Variants in GABBR1 observed in about 807,000 individuals in gnomAD.
GABBR1 encodes the protein GABA-B receptor, R1 subunit.
Under a neutral mutation model 117.7 loss-of-function variants are expected in GABBR1, and 35 were observed. That is an observed-to-expected ratio of 0.30 (90% CI 0.23 to 0.39). GABBR1 has a LOEUF of 0.39. Ranked by LOEUF, GABBR1 falls within the 10% of genes least tolerant of loss-of-function variation. The pLI, the probability that GABBR1 is intolerant of heterozygous loss-of-function variation, is 1.00. For missense variants in GABBR1, 709 were observed against 1,241.8 expected (o/e 0.57, Z 6.45); for synonymous variants, 442 against 486.6 (o/e 0.91, Z 1.21).
rs562020736 is a variant in GABBR1, at chr6:29,632,553, G to T, written c.1-168C>A. 196 of 884,820 alleles carry T rather than the reference G, an allele frequency of 2.2e-4. 1 individual carries two copies. The East Asian group carries it at 5.9e-3, about 27-fold the overall frequency. The allele number at this position is 884,820 out of a possible 1,614,324, so 54.8% of individuals were successfully genotyped here. On this transcript the variant is annotated intron_variant, in intron 1 of 22. Coordinates refer to ENST00000377034, the MANE Select transcript of GABBR1 (RefSeq NM_001470.4). This position sits in a 1 kb window ranked among gnomAD's most constrained non-coding sequence, Gnocchi z 5.8. The stretch of plus-strand genomic sequence containing the variant: ...CGGGGGCGGAGCCCCGCGCGGGGTG[G>T]GGGGAGAGGAGGAGAGAAAGCCTGT...
chr6:29,627,371 G>C lies in GABBR1; in HGVS notation c.657+115C>G. On this transcript the variant is annotated intron_variant, in intron 6 of 22. Coordinates refer to ENST00000377034, the MANE Select transcript of GABBR1 (RefSeq NM_001470.4). The surrounding 1 kb of genome is among the most constrained non-coding windows in gnomAD (Gnocchi z 4.4). ...CCCATCTCCTGCCAGTCACACAAGG[G>C]AGGGGTCTGCCTCGCAATCCCAGAG... 9.5e-7 allele frequency: 1 copy of C among 1,057,366 alleles called. No homozygotes were observed. The highest frequency in any genetic ancestry group is 1.4e-6 in the Non-Finnish European group (1 of 730,636). 65.5% of individuals were successfully genotyped at this position (1,057,366 alleles called of 1,614,324 possible).
intron 13 of GABBR1, among the ~76,000 whole-genome samples, 191 bp downstream of exon 13, chr6:29,612,360 T>C (rs1176584032): frequency 6.6e-6 from 1 of 152,114 alleles, no homozygotes; most frequent in Admixed American, 6.6e-5. Context: ...CTCAAAGACA[T>C]CAATCTTCTT....
At position 29,611,456 on chromosome 6, in the gene GABBR1, G is replaced by T. The variant is rs1265691289; in HGVS notation, c.1631-455C>A. On this transcript the variant is annotated intron_variant, in intron 13 of 22. Transcript: ENST00000377034. The surrounding 1 kb of genome is among the most constrained non-coding windows in gnomAD (Gnocchi z 4.6). ...GCTTGGGTTTTAATTCCTTGGATAAGTTATATCTGCCTCTTAAAGCGCCAT... is the reference window on the plus strand; with the variant it reads ...GCTTGGGTTTTAATTCCTTGGATAATTTATATCTGCCTCTTAAAGCGCCAT... 1.3e-5 allele frequency among the ~76,000 whole-genome samples: 2 copies of T among 152,156 alleles called. No individual in the cohort carries two copies. Among genetic ancestry groups the T allele is most frequent in the African/African-American group, 4.8e-5 (2 of 41,416 alleles).
In GABBR1 at chr6:29,606,984, C is replaced by T. The variant is rs756663476; in HGVS notation, c.2130G>A (p.Leu710=). ...CCACCAGCAGGCCCACTGTGGCATA[C>T]AGCTTCCAGGGTTCCAGAGTCTGGA... ...EWRKTLEPWK[L]YATVGLLVGM... Residue 710 remains leucine, a synonymous_variant, in exon 18 of 23, where the codon CTG becomes CTA. Coordinates refer to ENST00000377034, the MANE Select transcript of GABBR1 (RefSeq NM_001470.4). The surrounding 1 kb of genome is among the most constrained non-coding windows in gnomAD (Gnocchi z 4.5). 2.5e-6 allele frequency: 4 copies of T among 1,614,124 alleles called. No individual in the cohort carries two copies. In the African/African-American group the frequency reaches 4.0e-5, roughly 16 times the overall value.
chr6:29,618,744 G>T (rs1763432541), intron 11 of GABBR1, among the ~76,000 whole-genome samples: 1 of 152,122 alleles, frequency 6.6e-6, no homozygotes, highest in South Asian at 2.1e-4. Context: ...TGCCCCTAAA[G>T]ATGTTTTCTC....
chr6:29,631,635 T>A lies in GABBR1; in HGVS notation c.86-36A>T, dbSNP rs1340739996. On this transcript the variant is annotated intron_variant, in intron 2 of 22. Coordinates refer to ENST00000377034, the MANE Select transcript of GABBR1 (RefSeq NM_001470.4). This position sits in a 1 kb window ranked among gnomAD's most constrained non-coding sequence, Gnocchi z 5.9. ...AGTCGGGGAGGCATACAGAGAGGAATGGTGGGAAAGAGGAAAAGGCAGGCT... is the reference window on the plus strand; with the variant it reads ...AGTCGGGGAGGCATACAGAGAGGAAAGGTGGGAAAGAGGAAAAGGCAGGCT... 6.3e-7 allele frequency: 1 copy of A among 1,595,210 alleles called. No individual in the cohort carries two copies. Among genetic ancestry groups the A allele is most frequent in the Non-Finnish European group, 8.6e-7 (1 of 1,163,556 alleles).
Position 29,609,165 on chromosome 6 carries a change from T to C in GABBR1, c.1859+64A>G. ...AGTTACACAGGTTTTATTCTCATCC[T>C]GTCCAGGAACATGATCAGTATCTCA... On this transcript the variant is annotated intron_variant, in intron 15 of 22. Coordinates refer to ENST00000377034, the MANE Select transcript of GABBR1 (RefSeq NM_001470.4). This position sits in a 1 kb window ranked among gnomAD's most constrained non-coding sequence, Gnocchi z 4.3. 6.6e-7 allele frequency: 1 copy of C among 1,508,040 alleles called. No homozygotes were observed. The highest frequency in any genetic ancestry group is 9.2e-7 in the Non-Finnish European group (1 of 1,089,296). The allele number at this position is 1,508,040 out of a possible 1,614,324, so 93.4% of individuals were successfully genotyped here. A position where few individuals can be genotyped will look rare whatever the true frequency, so the allele number is the denominator to read the frequency against.
In GABBR1 at chr6:29,617,563, G is replaced by A. The variant is rs186036724; in HGVS notation, c.1323+3538C>T. 3.6e-3 allele frequency among the ~76,000 whole-genome samples: 555 copies of A among 152,188 alleles called. 1 individual carries two copies. The highest frequency in any genetic ancestry group is 6.4e-3 in the Non-Finnish European group (438 of 68,006). ...GATCCACCTGCCTCAGCCTCCCAAA[G>A]TGCTGGGATTATAGGCGTGAGCCAC... On this transcript the variant is annotated intron_variant, in intron 11 of 22. Transcript: ENST00000377034.
chr6:29,631,507 C>A lies in GABBR1; in HGVS notation c.178G>T (p.Asp60Tyr). Reference protein sequence around the residue: ...QVKAINFLPVDYEIEYVCRGE... With the variant: ...QVKAINFLPVYYEIEYVCRGE... ...CGGCACACATACTCAATCTCATAGTCCACTGGCAGGAAGTTGATAGCCTTC... is the reference window on the plus strand; with the variant it reads ...CGGCACACATACTCAATCTCATAGTACACTGGCAGGAAGTTGATAGCCTTC... The change falls in exon 3 of 23, where the codon GAC becomes TAC. Residue 60 changes from aspartate to tyrosine, a missense_variant. This residue lies in a region of GABBR1 where 101 missense variants were observed against 132.3 expected (regional missense o/e 0.76). Coordinates refer to ENST00000377034, the MANE Select transcript of GABBR1 (RefSeq NM_001470.4). This position sits in a 1 kb window ranked among gnomAD's most constrained non-coding sequence, Gnocchi z 5.9. The A allele has an allele frequency of 6.2e-7, 1 of 1,614,196 alleles. No individual in the cohort carries two copies. Among genetic ancestry groups the A allele is most frequent in the Non-Finnish European group, 8.5e-7 (1 of 1,180,040 alleles).
rs1213852687 is a variant in GABBR1 at position 29,611,100 on chromosome 6, T to C, written c.1631-99A>G. The C allele has an allele frequency of 1.1e-6, 1 of 932,348 alleles. No individual in the cohort carries two copies. The highest frequency in any genetic ancestry group is 2.0e-5 in the Admixed American group (1 of 50,476). The allele number at this position is 932,348 out of a possible 1,614,324, so 57.8% of individuals were successfully genotyped here. A position where few individuals can be genotyped will look rare whatever the true frequency, so the allele number is the denominator to read the frequency against. ...TTCCCTAGAGCTTTGCATGGTTGTA[T>C]CTGATTTTATTTTCACCTGAGGCCC... On this transcript the variant is annotated intron_variant, in intron 13 of 22. Transcript: ENST00000377034. This position sits in a 1 kb window ranked among gnomAD's most constrained non-coding sequence, Gnocchi z 4.6.
Position 29,627,445 on chromosome 6 carries a change from G to GC in GABBR1, c.657+40dup, listed in dbSNP as rs1562120769. On this transcript the variant is annotated intron_variant, in intron 6 of 22. Coordinates refer to ENST00000377034, the MANE Select transcript of GABBR1 (RefSeq NM_001470.4). This position sits in a 1 kb window ranked among gnomAD's most constrained non-coding sequence, Gnocchi z 4.4. ...GTGCAGCTGGCTGGCCCCCTGCCCCGCAAGCCCCCACCTCCCACCCACCCC... is the reference window on the plus strand; with the variant it reads ...GTGCAGCTGGCTGGCCCCCTGCCCCGCCAAGCCCCCACCTCCCACCCACCCC... 41 of 654,044 alleles carry GC rather than the reference G, an allele frequency of 6.3e-5. No individual in the cohort carries two copies. The highest frequency in any genetic ancestry group is 2.3e-4 in the South Asian group (13 of 57,142). 40.5% of individuals were successfully genotyped at this position (654,044 alleles called of 1,614,324 possible).
chr6:29,614,981 C>CAAAAGA (rs1217275048), intron 11 of GABBR1, among the ~76,000 whole-genome samples: 19 of 81,152 alleles, frequency 2.3e-4, no homozygotes, highest in South Asian at 4.4e-4. Context: ...TAAAACTGCT[C>CAAAAGA]AAAAAAAAAA....
At position 29,627,455 on chromosome 6, in the gene GABBR1, A is replaced by ACCACCCCCCCC; in HGVS notation, c.657+30_657+31insGGGGGGGGTGG. On this transcript the variant is annotated intron_variant, in intron 6 of 22. Coordinates refer to ENST00000377034, the MANE Select transcript of GABBR1 (RefSeq NM_001470.4). This position sits in a 1 kb window ranked among gnomAD's most constrained non-coding sequence, Gnocchi z 4.4. ...CTGGCCCCCTGCCCCGCAAGCCCCC[A>ACCACCCCCCCC]CCTCCCACCCACCCCCATGTCCAGG... 2.9e-6 allele frequency: 1 copy of ACCACCCCCCCC among 341,710 alleles called. No homozygotes were observed. Among genetic ancestry groups the ACCACCCCCCCC allele is most frequent in the Non-Finnish European group, 4.7e-6 (1 of 213,538 alleles). The allele number at this position is 341,710 out of a possible 1,614,324, so 21.2% of individuals were successfully genotyped here.
chr6:29,613,098 G>C lies in GABBR1; in HGVS notation c.1566+145C>G, dbSNP rs1762722694. On this transcript the variant is annotated intron_variant, in intron 12 of 22. Transcript: ENST00000377034. This position sits in a 1 kb window ranked among gnomAD's most constrained non-coding sequence, Gnocchi z 4.1. The stretch of plus-strand genomic sequence containing the variant: ...AGTCTTTGATGGGTTCTTCTAATTT[G>C]AAGGTCCCTACTTCTCTGGTCGGAG... 1 of 863,898 alleles carries C rather than the reference G, an allele frequency of 1.2e-6. No homozygotes were observed. Among genetic ancestry groups the C allele is most frequent in the African/African-American group, 1.7e-5 (1 of 59,378 alleles). The allele number at this position is 863,898 out of a possible 1,614,324, so 53.5% of individuals were successfully genotyped here.
At position 29,623,203 on chromosome 6, in the gene GABBR1, G is replaced by T; in HGVS notation, c.963+102C>A. ...CACATGGAATGCGTTCTCTTTCAAT[G>T]AAGAATCAAGTTCTTGCCCCTAAAA... On this transcript the variant is annotated intron_variant, in intron 8 of 22. Transcript: ENST00000377034. The surrounding 1 kb of genome is among the most constrained non-coding windows in gnomAD (Gnocchi z 6.2). 1 of 1,044,940 alleles carries T rather than the reference G, an allele frequency of 9.6e-7. No homozygotes were observed. Among genetic ancestry groups the T allele is most frequent in the Non-Finnish European group, 1.4e-6 (1 of 711,974 alleles). 64.7% of individuals were successfully genotyped at this position (1,044,940 alleles called of 1,614,324 possible).
Position 29,630,593 on chromosome 6 carries a change from G to T in GABBR1, c.340C>A (p.Leu114Met), listed in dbSNP as rs780915401. ...YLTLENGKVF[L>M]TGGDLPALDG... ...AGAGCTGGGAGGTCCCCACCCGTCA[G>T]GAAAACCTTCCCATTTTCCAGGGTC... Residue 114 changes from leucine to methionine, a missense_variant, in exon 4 of 23, where the codon CTG (leucine) becomes ATG (methionine). Around this residue, in one of 9 missense-constraint regions of GABBR1, gnomAD observed 101 missense variants for 132.3 expected, o/e 0.76. Transcript: ENST00000377034. The surrounding 1 kb of genome is among the most constrained non-coding windows in gnomAD (Gnocchi z 4.9). 1 of 1,613,028 alleles carries T rather than the reference G, an allele frequency of 6.2e-7. No homozygotes were observed. The highest frequency in any genetic ancestry group is 8.5e-7 in the Non-Finnish European group (1 of 1,179,992).
At chr6:29,617,301 C>CTTTCT (rs1554189143) in intron 11 of GABBR1, among the ~76,000 whole-genome samples, 1 of 119,876 alleles carries the variant, frequency 8.3e-6, no homozygotes, top group Non-Finnish European at 1.7e-5. Flanking sequence ...TTCTTTCTTT[C>CTTTCT]TTTTTTTTTT....
Position 29,613,611 on chromosome 6 carries a change from G to T in GABBR1, c.1324-126C>A. ...GGTTTGTGTTACTGTTGTCAGATTG[G>T]ACACATGTACATTCAAAATCTTTAA... On this transcript the variant is annotated intron_variant, in intron 11 of 22. Transcript: ENST00000377034. The surrounding 1 kb of genome is among the most constrained non-coding windows in gnomAD (Gnocchi z 4.1). 1 of 1,202,882 alleles carries T rather than the reference G, an allele frequency of 8.3e-7. No individual in the cohort carries two copies. Among genetic ancestry groups the T allele is most frequent in the Middle Eastern group, 2.8e-4 (1 of 3,528 alleles). 74.5% of individuals were successfully genotyped at this position (1,202,882 alleles called of 1,614,324 possible). A position where few individuals can be genotyped will look rare whatever the true frequency, so the allele number is the denominator to read the frequency against.
intron 6 of GABBR1, 118 bp from the exon 7 acceptor site, chr6:29,624,142 T>C: frequency 9.7e-7 from 1 of 1,027,848 alleles, no homozygotes; most frequent in Admixed American, 3.0e-5. Context: ...CTTTCATCAT[T>C]AATTACCGTT....
Sources: gnomAD v4.1 joint callset for allele counts (sites outside exome capture counted in the v4.1 genomes callset) on GRCh38, gnomAD v4.1.1 for gene constraint, gnomAD v4.1.1 regional missense constraint, Gnocchi (gnomAD v3.1) non-coding constraint, MANE v1.5 for transcripts, NCBI Gene and HGNC (gene_info 2026-07-23, HGNC 2026-07-21) for gene names.